The following KIF9 variants were observed in gnomAD, a reference collection of about 807,000 sequenced individuals.
The protein encoded by KIF9 is kinesin family member 9.
Under a neutral mutation model 94.8 loss-of-function variants are expected in KIF9, and 68 were observed. That is an observed-to-expected ratio of 0.72 (90% CI 0.59 to 0.88). The LOEUF (loss-of-function observed/expected upper bound fraction) is 0.88, where lower values mean the gene tolerates loss of function less well. Among genes scored for constraint, KIF9 ranks in the 40% least tolerant of loss-of-function variants. KIF9 has a pLI of 0.00. For missense variants in KIF9, 882 were observed against 982.5 expected, an observed-to-expected ratio of 0.90 and a Z score of 1.37; for synonymous variants, 343 against 362.1, an observed-to-expected ratio of 0.95 and a Z score of 0.60.
intron 5 of KIF9, among the ~76,000 whole-genome samples, chr3:47,267,872 CTTT>C (rs1210887622): frequency 4.8e-5 from 6 of 125,748 alleles, no homozygotes; most frequent in Non-Finnish European, 8.6e-5. Flanking sequence ...TTGTGTTCTC[CTTT>C]TTTTTTTTTT....
At chr3:47,236,688 C>G in intron 17 of KIF9, 69 bp from the exon 18 acceptor site, 2 of 1,429,776 alleles carry the variant, frequency 1.4e-6, no homozygotes, top group Non-Finnish European at 1.9e-6. Context: ...GAAGGGATTC[C>G]AGAAGGTGGG....
Position 47,266,336 on chromosome 3 carries a change from C to T in KIF9, c.769-459G>A, listed in dbSNP as rs189136731. Among the ~76,000 whole-genome samples, 10 of 152,254 alleles carry T rather than the reference C, an allele frequency of 6.6e-5. No homozygotes were observed. In the East Asian group the frequency reaches 9.6e-4, roughly 15 times the overall value. On this transcript the variant is annotated intron_variant, in intron 7 of 20. Coordinates refer to ENST00000684063, the MANE Select transcript of KIF9 (RefSeq NM_182902.4). ...TGAAATACTCATGCAAATACTCATA[C>T]GAATACTCATATTCATTCACAAAGA...
intron 1 of KIF9, among the ~76,000 whole-genome samples, chr3:47,278,446 G>A (rs1702113104): frequency 6.6e-6 from 1 of 151,892 alleles, no homozygotes; most frequent in Non-Finnish European, 1.5e-5. Flanking sequence ...TGTTGTCTAG[G>A]CTAGCCTTTA....
chr3:47,260,609 T>G (rs746308248), intron 9 of KIF9, among the ~76,000 whole-genome samples: 2 of 152,138 alleles, frequency 1.3e-5, no homozygotes, highest in Non-Finnish European at 2.9e-5. Flanking sequence ...TCCTCGCAAC[T>G]TCCTGTAAGG....
rs778660740 is a variant in KIF9 at position 47,247,497 on chromosome 3, C to T, written c.1129-20G>A. ...GTTGGTCTTGAAGGAGGATGAAGAA[C>T]ATGTGGATAAGCAACAAGAACCTGA... On this transcript the variant is annotated intron_variant, in intron 11 of 20. Transcript: ENST00000684063. The T allele has an allele frequency of 3.2e-6, 5 of 1,574,426 alleles. No homozygotes were observed. Among genetic ancestry groups the T allele is most frequent in the Middle Eastern group, 1.7e-4 (1 of 5,994 alleles).
rs1444417470 is a variant in KIF9 at position 47,275,375 on chromosome 3, T to G, written c.209A>C (p.Tyr70Ser). 1 of 1,613,882 alleles carries G rather than the reference T, an allele frequency of 6.2e-7. No homozygotes were observed. The highest frequency in any genetic ancestry group is 2.2e-5 in the East Asian group (1 of 44,898). ...VLHDASQDLV[Y>S]ETVAKDVVSQ... ...AACCACATCCTTTGCAACTGTCTCATAAACCAAGTCCTGGGAGGCATCGTG... is the reference window on the plus strand; with the variant it reads ...AACCACATCCTTTGCAACTGTCTCAGAAACCAAGTCCTGGGAGGCATCGTG... The change falls in exon 3 of 21, where the codon TAT (tyrosine) becomes TCT (serine). Residue 70 changes from tyrosine to serine, a missense_variant. Tyr to Ser is a moderately radical substitution (Grantham distance 144). Coordinates refer to ENST00000684063, the MANE Select transcript of KIF9 (RefSeq NM_182902.4).
rs1444800734 is a variant in KIF9, at chr3:47,245,073, T to C, written c.1381-149A>G. 6.5e-6 allele frequency: 7 copies of C among 1,084,170 alleles called. No homozygotes were observed. In the East Asian group the frequency reaches 1.6e-4, roughly 24 times the overall value. 67.2% of individuals were successfully genotyped at this position (1,084,170 alleles called of 1,614,324 possible). On this transcript the variant is annotated intron_variant, in intron 14 of 20. Transcript: ENST00000684063. ...AGCTGCTGATGCCAGCCTCAGGCTG[T>C]CCCCTGTAGAGCGGTCCCTGACCAC...
chr3:47,245,595 G>C (rs1194859873), intron 13 of KIF9, 84 bp from the exon 14 acceptor site: 1 of 1,002,608 alleles, frequency 1.0e-6, no homozygotes, highest in Admixed American at 1.7e-5. Context: ...GGGGTTAAAA[G>C]TCATATGGGT....
chr3:47,239,445 C>T, intron 17 of KIF9: 1 of 485,504 alleles, frequency 2.1e-6, no homozygotes, highest in Non-Finnish European at 2.8e-6. Flanking sequence ...CTATAGCCAC[C>T]ATCACTGGCC....
chr3:47,246,083 T>G, intron 13 of KIF9, 114 bp downstream of exon 13: 1 of 845,914 alleles, frequency 1.2e-6, no homozygotes, highest in Non-Finnish European at 1.9e-6. Context: ...AGGACTCTGA[T>G]TTGGCTCTTC....
intron 8 of KIF9, among the ~76,000 whole-genome samples, chr3:47,264,773 G>A (rs1035886592): frequency 6.6e-6 from 1 of 152,186 alleles, no homozygotes. Flanking sequence ...AAATTCATAT[G>A]TTGAAGTTGT....
rs1702481043 is a variant in KIF9 at position 47,282,782 on chromosome 3, G to C, written c.-293C>G. ...TCGAGATAGCGAGGGAACGAAGGCC[G>C]CACATGAACCAGGAAGCGGAGTGGC... is the stretch of plus-strand genomic sequence containing the variant. On this transcript the variant is annotated 5_prime_UTR_variant, in exon 1 of 21. Transcript: ENST00000684063. 2.1e-6 allele frequency: 3 copies of C among 1,430,938 alleles called. No homozygotes were observed. The highest frequency in any genetic ancestry group is 2.7e-6 in the Non-Finnish European group (3 of 1,096,324). 88.6% of individuals were successfully genotyped at this position (1,430,938 alleles called of 1,614,324 possible).
intron 2 of KIF9, 50 bp from the exon 3 acceptor site, chr3:47,275,540 G>A (rs1701911999): frequency 2.1e-6 from 3 of 1,461,256 alleles, no homozygotes; most frequent in East Asian, 4.5e-5. Context: ...TCAAAAATGG[G>A]TATAAAAAAA....
intron 8 of KIF9, among the ~76,000 whole-genome samples, chr3:47,265,318 G>A (rs185646443): frequency 3.3e-5 from 5 of 152,230 alleles, no homozygotes; most frequent in African/African-American, 1.2e-4. Context: ...TGTGTTGTCA[G>A]GCTCAACACA....
chr3:47,252,487 C>G (rs1186633362), intron 10 of KIF9, among the ~76,000 whole-genome samples: 1 of 151,978 alleles, frequency 6.6e-6, no homozygotes, highest in African/African-American at 2.4e-5. Flanking sequence ...GTCCCAGCTA[C>G]TTGGGAGGCT....
chr3:47,241,789 G>GTGTATATATGTATATATGTATATA lies in KIF9; in HGVS notation c.1710-798_1710-775dup, dbSNP rs200221718. ...TATACGTATATATACATGTATATAC[G>GTGTATATATGTATATATGTATATA]TGTATATATGTATATATGTATATAT... is the stretch of plus-strand genomic sequence containing the variant. On this transcript the variant is annotated intron_variant, in intron 16 of 20. Coordinates refer to ENST00000684063, the MANE Select transcript of KIF9 (RefSeq NM_182902.4). Among the ~76,000 whole-genome samples the GTGTATATATGTATATATGTATATA allele has an allele frequency of 7.0e-5, 6 of 85,816 alleles. No individual in the cohort carries two copies. In the East Asian group the frequency reaches 1.5e-3, roughly 22 times the overall value. The allele number at this position is 85,816 out of a possible 152,430, so 56.3% of individuals were successfully genotyped here.
chr3:47,278,402 C>A, intron 1 of KIF9, among the ~76,000 whole-genome samples: 1 of 152,088 alleles, frequency 6.6e-6, no homozygotes, highest in East Asian at 1.9e-4. Flanking sequence ...ACATTTATTT[C>A]ATTGTTTTAT....
Position 47,282,498 on chromosome 3 carries a change from T to C in KIF9, c.-9A>G, listed in dbSNP as rs1702459471. 6 of 994,526 alleles carry C rather than the reference T, an allele frequency of 6.0e-6. No individual in the cohort carries two copies. The highest frequency in any genetic ancestry group is 7.2e-6 in the Non-Finnish European group (6 of 834,906). The allele number at this position is 994,526 out of a possible 1,614,324, so 61.6% of individuals were successfully genotyped here. On this transcript the variant is annotated 5_prime_UTR_variant, in exon 1 of 21. Transcript: ENST00000684063. ...CCGGCGAGCAGCCCCTGCTCACCGT[T>C]CACCAGGCAGCGACGCTCCCGGGAC...
chr3:47,279,704 C>T (rs191483324), intron 1 of KIF9, among the ~76,000 whole-genome samples: 60 of 151,572 alleles, frequency 4.0e-4, no homozygotes, highest in African/African-American at 1.4e-3. Flanking sequence ...GCAAGCTCCG[C>T]CCCCCAGGTT....
Sources: gnomAD v4.1 joint callset for allele counts (sites outside exome capture counted in the v4.1 genomes callset) on GRCh38, gnomAD v4.1.1 for gene constraint, MANE v1.5 for transcripts, NCBI Gene and HGNC (gene_info 2026-07-23, HGNC 2026-07-21) for gene names.